The following PCDHGA2 variants were observed in gnomAD, a reference collection of about 807,000 sequenced individuals.
PCDHGA2 encodes the protein protocadherin gamma subfamily A, 2.
A neutral mutation model predicts 59.2 loss-of-function variants in PCDHGA2; 40 were observed. The ratio of observed to expected loss-of-function variants is 0.68; its 90% CI spans 0.52 to 0.88. PCDHGA2 has a LOEUF of 0.88. Among genes scored for constraint, PCDHGA2 ranks in the 40% least tolerant of loss-of-function variants. The pLI, the probability that PCDHGA2 is intolerant of heterozygous loss-of-function variation, is 0.00. For synonymous variants in PCDHGA2, 560 were observed against 526.0 expected (o/e 1.06, Z -0.89); for missense variants, 1,226 against 1,204.0 (o/e 1.02, Z -0.27).
intron 1 of PCDHGA2, among the ~76,000 whole-genome samples, chr5:141,466,748 G>A (rs562859284): frequency 6.6e-6 from 1 of 152,238 alleles, no homozygotes; most frequent in South Asian, 2.1e-4. Context: ...TACTCTGATA[G>A]GGGCTCTTTT....
chr5:141,415,026 G>T, intron 1 of PCDHGA2: 2 of 1,613,590 alleles, frequency 1.2e-6, no homozygotes, highest in Non-Finnish European at 1.7e-6. Context: ...AGGCCAGCGA[G>T]CCGGGACTCT....
intron 1 of PCDHGA2, chr5:141,351,085 C>T (rs760611278): frequency 4.3e-6 from 7 of 1,614,034 alleles, no homozygotes; most frequent in African/African-American, 1.3e-5. Flanking sequence ...CAGAGATCAC[C>T]TATGCCTTCC....
chr5:141,436,600 G>C (rs1054182433), intron 1 of PCDHGA2, among the ~76,000 whole-genome samples: 2 of 152,154 alleles, frequency 1.3e-5, no homozygotes, highest in African/African-American at 2.4e-5. Context: ...CGTGGTGATG[G>C]CTAGGGCTAA....
chr5:141,485,497 T>C lies in PCDHGA2; in HGVS notation c.2425-9310T>C, dbSNP rs1594488328. On this transcript the variant is annotated intron_variant, in intron 1 of 3. Coordinates refer to ENST00000394576, the MANE Select transcript of PCDHGA2 (RefSeq NM_018915.4). The surrounding 1 kb of genome is among the most constrained non-coding windows in gnomAD (Gnocchi z 5.7). ...CCAGCTGCATCGTGCCCCTGGAGTT[T>C]GTCACCGAAGGTCCTTTGGAAATGT... 6.2e-7 allele frequency: 1 copy of C among 1,614,112 alleles called. No homozygotes were observed. The highest frequency in any genetic ancestry group is 1.3e-5 in the African/African-American group (1 of 74,998).
Position 141,341,259 on chromosome 5 carries a change from C to CG in PCDHGA2, c.2289dup (p.Arg764AlafsTer23). 6.2e-7 allele frequency: 1 copy of CG among 1,614,192 alleles called. No individual in the cohort carries two copies. The highest frequency in any genetic ancestry group is 1.3e-5 in the African/African-American group (1 of 75,044). ...CACGAGGTCTCCCTCACTGCGGACT[C>CG]GCGGAAGAGCCACCTGATTTTCCCC... On this transcript the variant is annotated frameshift_variant, in exon 1 of 4. Coordinates refer to ENST00000394576, the MANE Select transcript of PCDHGA2 (RefSeq NM_018915.4). LOFTEE classifies it high-confidence loss of function.
chr5:141,405,431 T>TGTTTTTGA (rs1428153443), intron 1 of PCDHGA2: 4 of 1,490,528 alleles, frequency 2.7e-6, no homozygotes, highest in Non-Finnish European at 2.7e-6. Flanking sequence ...TGTTTTGTTT[T>TGTTTTTGA]GTTTTTGAGA....
intron 1 of PCDHGA2, chr5:141,341,771 A>C (rs767024332): frequency 1.9e-5 from 7 of 364,332 alleles, no homozygotes; most frequent in Non-Finnish European, 3.4e-5. Context: ...TGTTTACTCA[A>C]GTCCTTTCTT....
chr5:141,388,527 T>C, intron 1 of PCDHGA2: 1 of 1,613,866 alleles, frequency 6.2e-7, no homozygotes, highest in Non-Finnish European at 8.5e-7. Flanking sequence ...TTTGACTGCC[T>C]TGGACTTTGG....
intron 1 of PCDHGA2, chr5:141,418,639 C>T (rs2096276711): frequency 6.2e-7 from 1 of 1,614,014 alleles, no homozygotes; most frequent in Non-Finnish European, 8.5e-7. Flanking sequence ...CAGGCACCTC[C>T]ATCCTGAGAG....
Position 141,393,720 on chromosome 5 carries a change from A to T in PCDHGA2, c.2424+52325A>T, listed in dbSNP as rs371093729. ...TAATGAAAATACTGGGGAAATATCA[A>T]TAGCAAAAAGTCTAGATTATGAAGA... On this transcript the variant is annotated intron_variant, in intron 1 of 3. Transcript: ENST00000394576. 5.0e-6 allele frequency: 8 copies of T among 1,613,888 alleles called. No homozygotes were observed. The South Asian group carries it at 8.8e-5, about 18-fold the overall frequency.
intron 1 of PCDHGA2, chr5:141,366,483 G>T (rs1194485862): frequency 1.4e-5 from 23 of 1,614,118 alleles, no homozygotes; most frequent in Non-Finnish European, 1.8e-5. Flanking sequence ...AGACTGAGGC[G>T]CTGGCACAAG....
At chr5:141,429,169 T>TACATACACACACACACAC (rs369570830) in intron 1 of PCDHGA2, 115 of 145,474 alleles carry the variant, frequency 7.9e-4, no homozygotes, top group African/African-American at 2.1e-3. Flanking sequence ...ACATTGTTTA[T>TACATACACACACACACAC]ACACACACAC....
chr5:141,348,328 G>A (rs933861789), intron 1 of PCDHGA2, among the ~76,000 whole-genome samples: 4 of 152,170 alleles, frequency 2.6e-5, no homozygotes, highest in African/African-American at 7.2e-5. Context: ...GAATTTAAAA[G>A]GCCCATAGCC....
chr5:141,507,613 T>G (rs1003099044), intron 3 of PCDHGA2, among the ~76,000 whole-genome samples: 1 of 152,248 alleles, frequency 6.6e-6, no homozygotes, highest in African/African-American at 2.4e-5. Context: ...ACAGGTATAT[T>G]TAGCTGTTGT....
At chr5:141,409,109 A>G in intron 1 of PCDHGA2, 1 of 1,614,028 alleles carries the variant, frequency 6.2e-7, no homozygotes, top group Non-Finnish European at 8.5e-7. Context: ...TATGATTAAG[A>G]ATAACCAGTC....
intron 1 of PCDHGA2, chr5:141,423,469 C>G: frequency 3.1e-6 from 5 of 1,613,948 alleles, no homozygotes; most frequent in Non-Finnish European, 4.2e-6. Flanking sequence ...GGACGGGGTA[C>G]AGGCTTTCCT....
chr5:141,349,113 C>G (rs1195876459), intron 1 of PCDHGA2, among the ~76,000 whole-genome samples: 3 of 152,192 alleles, frequency 2.0e-5, no homozygotes, highest in Non-Finnish European at 4.4e-5. Context: ...CTCTGTCACC[C>G]AGGATGGACT....
At chr5:141,354,402 G>C (rs1375359992) in intron 1 of PCDHGA2, among the ~76,000 whole-genome samples, 1 of 152,184 alleles carries the variant, frequency 6.6e-6, no homozygotes, top group Non-Finnish European at 1.5e-5. Flanking sequence ...AGAATCTACT[G>C]TACACAAAAT....
chr5:141,348,219 G>A (rs1758082316), intron 1 of PCDHGA2, among the ~76,000 whole-genome samples: 1 of 152,158 alleles, frequency 6.6e-6, no homozygotes, highest in African/African-American at 2.4e-5. Context: ...CAATATATTA[G>A]GAAAAGGCAC....
Sources: gnomAD v4.1 joint callset for allele counts (sites outside exome capture counted in the v4.1 genomes callset) on GRCh38, gnomAD v4.1.1 for gene constraint, Gnocchi (gnomAD v3.1) non-coding constraint, MANE v1.5 for transcripts, NCBI Gene and HGNC (gene_info 2026-07-23, HGNC 2026-07-21) for gene names.